The following EFL1 variants were observed in gnomAD, a reference collection of about 807,000 sequenced individuals.
The protein encoded by EFL1 is elongation factor like GTPase 1.
A neutral mutation model predicts 126.7 loss-of-function variants in EFL1; 76 were observed. The observed-to-expected ratio is 0.60, with a 90% CI of 0.50 to 0.73. The LOEUF (loss-of-function observed/expected upper bound fraction) is 0.73, where lower values mean the gene tolerates loss of function less well. Ranked by LOEUF, EFL1 falls within the 30% of genes least tolerant of loss-of-function variation. The pLI is 0.00. For missense variants in EFL1, 1,128 were observed against 1,343.2 expected (o/e 0.84, Z 2.50); for synonymous variants, 410 against 448.4 (o/e 0.91, Z 1.08).
intron 16 of EFL1, among the ~76,000 whole-genome samples, chr15:82,159,347 T>C (rs933422059): frequency 6.6e-6 from 1 of 152,032 alleles, no homozygotes; most frequent in African/African-American, 2.4e-5. Flanking sequence ...ATCAAACAAA[T>C]TATAAAGTAA....
intron 3 of EFL1, among the ~76,000 whole-genome samples, chr15:82,257,847 A>G (rs2075079480): frequency 6.6e-6 from 1 of 152,260 alleles, no homozygotes; most frequent in Admixed American, 6.5e-5. Flanking sequence ...GATCCTTTCT[A>G]TAAAATGTCT....
rs72749570 is a variant in EFL1 at position 82,207,536 on chromosome 15, T to C, written c.1750+7181A>G. Among the ~76,000 whole-genome samples the C allele has an allele frequency of 6.9e-3, 1,048 of 152,066 alleles. 9 individuals carry two copies. The highest frequency in any genetic ancestry group is 8.2e-3 in the Non-Finnish European group (556 of 67,972). On this transcript the variant is annotated intron_variant, in intron 15 of 19. Transcript: ENST00000268206. ...GAAGTATGATTTTTAAATTAAAAAA[T>C]GCTACTGAACTGTGTACTTTTTAAA... is the stretch of plus-strand genomic sequence containing the variant.
At chr15:82,192,760 T>C (rs150501854) in intron 15 of EFL1, among the ~76,000 whole-genome samples, 1 of 152,296 alleles carries the variant, frequency 6.6e-6, no homozygotes, top group East Asian at 1.9e-4. Flanking sequence ...ACAGTGGCTC[T>C]TGACACCACG....
At chr15:82,195,155 C>T (rs1171922390) in intron 15 of EFL1, among the ~76,000 whole-genome samples, 3 of 152,090 alleles carry the variant, frequency 2.0e-5, no homozygotes, top group Admixed American at 6.6e-5. Flanking sequence ...ACTTGTCTAA[C>T]CTCATAAGGG....
chr15:82,198,861 C>T (rs2074437429), intron 15 of EFL1, among the ~76,000 whole-genome samples: 1 of 152,118 alleles, frequency 6.6e-6, no homozygotes, highest in East Asian at 1.9e-4. Context: ...CTGTGAAGCA[C>T]CTACAAATAA....
At chr15:82,211,034 G>A (rs1388695328) in intron 15 of EFL1, among the ~76,000 whole-genome samples, 5 of 151,666 alleles carry the variant, frequency 3.3e-5, no homozygotes, top group Non-Finnish European at 7.4e-5. Flanking sequence ...GATTATTTCA[G>A]CCCAATGCAG....
At chr15:82,219,553 C>T in intron 14 of EFL1, 99 bp downstream of exon 14, 3 of 1,348,048 alleles carry the variant, frequency 2.2e-6, no homozygotes, top group Non-Finnish European at 3.0e-6. Flanking sequence ...CAGAGACAAA[C>T]TAAATCTACC....
At chr15:82,168,542 G>A (rs570462197) in intron 15 of EFL1, among the ~76,000 whole-genome samples, 3 of 152,208 alleles carry the variant, frequency 2.0e-5, no homozygotes, top group African/African-American at 4.8e-5. Context: ...ACGGAATCTC[G>A]CCCTGTTGCC....
intron 6 of EFL1, among the ~76,000 whole-genome samples, 173 bp from the exon 7 acceptor site, chr15:82,238,694 T>C (rs536917992): frequency 6.6e-6 from 1 of 152,370 alleles, no homozygotes; most frequent in East Asian, 1.9e-4. Flanking sequence ...ATGTATCCAT[T>C]CTTCCTAAAC....
At chr15:82,261,412 T>C (rs573799535) in intron 2 of EFL1, among the ~76,000 whole-genome samples, 1 of 152,256 alleles carries the variant, frequency 6.6e-6, no homozygotes, top group East Asian at 1.9e-4. Context: ...AGACATTTTA[T>C]ATGTAAAGCC....
intron 15 of EFL1, chr15:82,174,524 A>G (rs1223151536): frequency 6.6e-6 from 1 of 152,196 alleles, no homozygotes; most frequent in Non-Finnish European, 1.5e-5. Flanking sequence ...AATGGATTAC[A>G]TTTGCATTAA....
At chr15:82,188,211 T>C (rs1163003705) in intron 15 of EFL1, among the ~76,000 whole-genome samples, 1 of 152,168 alleles carries the variant, frequency 6.6e-6, no homozygotes, top group East Asian at 1.9e-4. Context: ...TTCACATGGT[T>C]CCTGCAAACA....
rs554187992 is a variant in EFL1, at chr15:82,171,515, A to G, written c.1751-7531T>C. Among the ~76,000 whole-genome samples, 80 of 152,360 alleles carry G rather than the reference A, an allele frequency of 5.3e-4. 2 individuals carry two copies. In the South Asian group the frequency reaches 0.016, roughly 31 times the overall value. On this transcript the variant is annotated intron_variant, in intron 15 of 19. Coordinates refer to ENST00000268206, the MANE Select transcript of EFL1 (RefSeq NM_024580.6). Reference sequence around the variant, plus strand: ...ATTAGCCAATGAAATGTGAAAAATGATATAATTGCATCTGCGTCATACCAT... The same window carrying G: ...ATTAGCCAATGAAATGTGAAAAATGGTATAATTGCATCTGCGTCATACCAT...
At chr15:82,177,436 C>A (rs1201927100) in intron 15 of EFL1, among the ~76,000 whole-genome samples, 3 of 152,138 alleles carry the variant, frequency 2.0e-5, no homozygotes, top group African/African-American at 7.2e-5. Context: ...ATGTGGCTTT[C>A]ATTGCGAAGT....
At position 82,220,144 on chromosome 15, in the gene EFL1, C is replaced by T; in HGVS notation, c.1378G>A (p.Ala460Thr). The T allele has an allele frequency of 6.2e-7, 1 of 1,613,842 alleles. No homozygotes were observed. Among genetic ancestry groups the T allele is most frequent in the African/African-American group, 1.3e-5 (1 of 74,994 alleles). Residue 460 changes from alanine (A) to threonine (T), a missense_variant, in exon 13 of 20, where the codon GCA (alanine) becomes ACA (threonine). Physicochemically the swap from Ala to Thr is moderately conservative, Grantham distance 58. Coordinates refer to ENST00000268206, the MANE Select transcript of EFL1 (RefSeq NM_024580.6). ...CCATCTTGGGTGGGCTCCAAGGGTG[C>T]CTGTCCCTGTGCTGCTGCAAGCTTC... ...AEKLAAAQGQ[A>T]PLEPTQDGSA...
At chr15:82,154,373 C>T (rs2073944851) in intron 17 of EFL1, among the ~76,000 whole-genome samples, 1 of 152,146 alleles carries the variant, frequency 6.6e-6, no homozygotes. Context: ...GTCTCCCATT[C>T]CTGGACATAA....
In EFL1 at chr15:82,250,026, G is replaced by A. The variant is rs562551299; in HGVS notation, c.244+2665C>T. Among the ~76,000 whole-genome samples the A allele has an allele frequency of 9.0e-4, 137 of 152,138 alleles. 1 individual carries two copies. The highest frequency in any genetic ancestry group is 3.2e-3 in the African/African-American group (133 of 41,430). ...CAGATTCTCAAATAAGAGGGCATTC[G>A]AAGTGGGTGAGAAGGAGGGGAAGGC... On this transcript the variant is annotated intron_variant, in intron 4 of 19. Transcript: ENST00000268206.
intron 15 of EFL1, among the ~76,000 whole-genome samples, chr15:82,174,915 A>G (rs2074178570): frequency 6.6e-6 from 1 of 152,194 alleles, no homozygotes; most frequent in South Asian, 2.1e-4. Flanking sequence ...GTAGAATCTT[A>G]CACTCTAGTA....
At chr15:82,196,612 C>T (rs2074410086) in intron 15 of EFL1, among the ~76,000 whole-genome samples, 1 of 152,076 alleles carries the variant, frequency 6.6e-6, no homozygotes, top group African/African-American at 2.4e-5. Context: ...AGAAATTTAC[C>T]ACTAAAGTTT....
Sources: gnomAD v4.1 joint callset for allele counts (sites outside exome capture counted in the v4.1 genomes callset) on GRCh38, gnomAD v4.1.1 for gene constraint, MANE v1.5 for transcripts, NCBI Gene and HGNC (gene_info 2026-07-23, HGNC 2026-07-21) for gene names.